Variants in PGAP4 observed in about 807,000 individuals in gnomAD.
The protein encoded by PGAP4 is GPI-N-acetylgalactosamine transferase PGAP4.
A neutral mutation model predicts 28.2 loss-of-function variants in PGAP4; 12 were observed. The ratio of observed to expected loss-of-function variants is 0.42; its 90% CI spans 0.27 to 0.69. PGAP4 has a LOEUF of 0.69. Among genes scored for constraint, PGAP4 ranks in the 30% least tolerant of loss-of-function variants. The probability of loss-of-function intolerance (pLI) is 0.22; values close to 1 mark genes in which losing one functional copy is unlikely to be tolerated. For missense variants in PGAP4, 425 were observed against 513.5 expected (o/e 0.83, Z 1.67); for synonymous variants, 205 against 211.8 (o/e 0.97, Z 0.28).
chr9:101,502,910 T>C (rs1354390696), intron 2 of PGAP4, among the ~76,000 whole-genome samples: 2 of 151,676 alleles, frequency 1.3e-5, no homozygotes, highest in African/African-American at 4.8e-5. Context: ...TGGAGGTGAG[T>C]GAGGGAAGAA....
intron 2 of PGAP4, among the ~76,000 whole-genome samples, chr9:101,504,208 T>G (rs1228136843): frequency 7.9e-5 from 9 of 114,612 alleles, no homozygotes; most frequent in African/African-American, 2.6e-4. Context: ...TGTGTGTGTT[T>G]GTTTTTTTTT....
chr9:101,491,786 T>G (rs1037202309), upstream of PGAP4, among the ~76,000 whole-genome samples: 14 of 144,460 alleles, frequency 9.7e-5, no homozygotes, highest in Non-Finnish European at 1.5e-5. Flanking sequence ...GATATATAAA[T>G]ATTTTTAAAG....
chr9:101,492,858 C>T (rs912382899), intron 2 of PGAP4, among the ~76,000 whole-genome samples: 2 of 152,046 alleles, frequency 1.3e-5, no homozygotes, highest in Non-Finnish European at 2.9e-5. Context: ...CCCTAAACTC[C>T]CCCTTAAACT....
At chr9:101,495,371 A>G (rs1826735581) in intron 2 of PGAP4, among the ~76,000 whole-genome samples, 1 of 137,478 alleles carries the variant, frequency 7.3e-6, no homozygotes, top group African/African-American at 2.7e-5. Flanking sequence ...TATATTTTAT[A>G]TATAATATAT....
chr9:101,517,595 C>CA (rs1420355308), intron 2 of PGAP4, among the ~76,000 whole-genome samples: 2 of 152,038 alleles, frequency 1.3e-5, no homozygotes, highest in East Asian at 3.9e-4. Context: ...AAAATAAAAG[C>CA]AAAGGAATGA....
At chr9:101,504,004 T>G (rs1016219851) in intron 2 of PGAP4, among the ~76,000 whole-genome samples, 1 of 151,656 alleles carries the variant, frequency 6.6e-6, no homozygotes, top group Non-Finnish European at 1.5e-5. Context: ...AAACTGAAAC[T>G]CAAAGGAAGG....
upstream of PGAP4, among the ~76,000 whole-genome samples, chr9:101,488,457 C>G (rs1826654398): frequency 6.6e-6 from 1 of 152,198 alleles, no homozygotes; most frequent in Admixed American, 6.5e-5. Context: ...GACAAATTAA[C>G]TCCTCTGTGC....
chr9:101,489,459 G>A (rs922901797), upstream of PGAP4, among the ~76,000 whole-genome samples: 24 of 152,060 alleles, frequency 1.6e-4, no homozygotes, highest in Admixed American at 9.2e-4. Flanking sequence ...TTGATACCAA[G>A]GAACTATTAC....
chr9:101,476,446 G>A lies in PGAP4; in HGVS notation c.647C>T (p.Pro216Leu). Residue 216 changes from proline (P) to leucine (L), a missense_variant, in exon 2 of 2, where the codon CCA becomes CTA. Pro to Leu is a moderately conservative substitution (Grantham distance 98, BLOSUM62 -3). Transcript: ENST00000374848. The surrounding 1 kb of genome is among the most constrained non-coding windows in gnomAD (Gnocchi z 7.0). ...CAAGACTGGGAAGATCTGCTCTTCT[G>A]GTACAGCATCGTCTTCTACCATCAG... is the stretch of plus-strand genomic sequence containing the variant. ...YVLMVEDDAV[P>L]EEQIFPVLEH... 1 of 1,614,108 alleles carries A rather than the reference G, an allele frequency of 6.2e-7. No individual in the cohort carries two copies. The highest frequency in any genetic ancestry group is 8.5e-7 in the Non-Finnish European group (1 of 1,180,030).
At chr9:101,497,555 A>G (rs1233130321) in intron 2 of PGAP4, among the ~76,000 whole-genome samples, 1 of 151,652 alleles carries the variant, frequency 6.6e-6, no homozygotes, top group African/African-American at 2.4e-5. Flanking sequence ...CTTAATATAT[A>G]TAAACATATA....
At chr9:101,503,792 C>G (rs979920365) in intron 2 of PGAP4, among the ~76,000 whole-genome samples, 1 of 151,968 alleles carries the variant, frequency 6.6e-6, no homozygotes, top group Non-Finnish European at 1.5e-5. Context: ...TCTCCCCTCC[C>G]CAAATCATTC....
intron 2 of PGAP4, among the ~76,000 whole-genome samples, chr9:101,526,707 C>A (rs78116290): frequency 2.6e-5 from 4 of 152,214 alleles, no homozygotes; most frequent in African/African-American, 7.2e-5. Context: ...CCTTGACCTT[C>A]CCAACTCCTG....
At chr9:101,505,570 A>G (rs1826842609) in intron 2 of PGAP4, among the ~76,000 whole-genome samples, 1 of 152,098 alleles carries the variant, frequency 6.6e-6, no homozygotes, top group African/African-American at 2.4e-5. Context: ...CTCTGAATAA[A>G]AAAAAATGGT....
In PGAP4 at chr9:101,474,932, T is replaced by A. The variant is rs963342546; in HGVS notation, c.*949A>T. The A allele has an allele frequency of 1.3e-5, 2 of 151,478 alleles. No individual in the cohort carries two copies. Among genetic ancestry groups the A allele is most frequent in the African/African-American group, 4.9e-5 (2 of 41,174 alleles). 9.4% of individuals were successfully genotyped at this position (151,478 alleles called of 1,614,324 possible). ...GACCTGCCCAAGGTGGTCACGTCGT[T>A]AGGCCATGGCAGAGATCTGAAATAA... On this transcript the variant is annotated 3_prime_UTR_variant, in exon 2 of 2. Coordinates refer to ENST00000374848, the MANE Select transcript of PGAP4 (RefSeq NM_032342.3).
intron 2 of PGAP4, among the ~76,000 whole-genome samples, chr9:101,529,391 G>A (rs1827066268): frequency 6.6e-6 from 1 of 152,168 alleles, no homozygotes; most frequent in South Asian, 2.1e-4. Flanking sequence ...CTGACATCAG[G>A]TGATCCGCCC....
intron 2 of PGAP4, among the ~76,000 whole-genome samples, chr9:101,528,967 G>T (rs191338513): frequency 5.9e-5 from 9 of 151,744 alleles, no homozygotes; most frequent in African/African-American, 1.9e-4. Context: ...GCCCTGGTTT[G>T]TGTTGCTCCT....
chr9:101,515,844 G>A (rs1284584090), intron 2 of PGAP4, among the ~76,000 whole-genome samples: 1 of 152,044 alleles, frequency 6.6e-6, no homozygotes, highest in East Asian at 1.9e-4. Flanking sequence ...TCAGATAGAT[G>A]GGAGGAATAA....
intron 2 of PGAP4, among the ~76,000 whole-genome samples, chr9:101,523,580 A>G (rs1285116806): frequency 1.4e-5 from 1 of 72,136 alleles, no homozygotes; most frequent in Non-Finnish European, 3.0e-5. Context: ...TCTTTAAGCT[A>G]TCTATTTCCT....
chr9:101,499,581 A>G (rs902024619), intron 2 of PGAP4, among the ~76,000 whole-genome samples: 1 of 152,082 alleles, frequency 6.6e-6, no homozygotes, highest in Non-Finnish European at 1.5e-5. Context: ...ATCTGTAACA[A>G]GCGCAACACC....
Sources: gnomAD v4.1 joint callset for allele counts (sites outside exome capture counted in the v4.1 genomes callset) on GRCh38, gnomAD v4.1.1 for gene constraint, Gnocchi (gnomAD v3.1) non-coding constraint, MANE v1.5 for transcripts, NCBI Gene and HGNC (gene_info 2026-07-23, HGNC 2026-07-21) for gene names.